The following DDX52 variants were observed in gnomAD, a reference collection of about 807,000 sequenced individuals.
The protein encoded by DDX52 is DExD-box helicase 52.
Under a neutral mutation model 76.1 loss-of-function variants are expected in DDX52, and 59 were observed. That is an observed-to-expected ratio of 0.78 (90% CI 0.63 to 0.96). DDX52 has a LOEUF of 0.96. Ranked by LOEUF, DDX52 falls within the 40% of genes least tolerant of loss-of-function variation. The probability of loss-of-function intolerance (pLI) is 0.00; values close to 1 mark genes in which losing one functional copy is unlikely to be tolerated. For missense variants in DDX52, 707 were observed against 703.9 expected, an observed-to-expected ratio of 1.00 and a Z score of -0.05; for synonymous variants, 231 against 244.1, an observed-to-expected ratio of 0.95 and a Z score of 0.50.
At chr17:37,627,514 C>T (rs1457368226) in intron 6 of DDX52, among the ~76,000 whole-genome samples, 1 of 151,848 alleles carries the variant, frequency 6.6e-6, no homozygotes, top group African/African-American at 2.4e-5. Flanking sequence ...CCCAAAATGC[C>T]GGATTACAGG....
chr17:37,624,369 A>G lies in DDX52; in HGVS notation c.1202T>C (p.Leu401Pro). ...CTTTTTAACAAGTTCTCTCACGGCC[A>G]GAAGTTTTCCGGTCTCAGATCCAAC... ...LFVGSETGKL[L>P]AVRELVKKGF... The change falls in exon 9 of 15, where the codon CTG becomes CCG. Residue 401 changes from leucine to proline, a missense_variant. Coordinates refer to ENST00000617633, the MANE Select transcript of DDX52 (RefSeq NM_007010.5). 3.1e-6 allele frequency: 5 copies of G among 1,609,248 alleles called. No individual in the cohort carries two copies. Among genetic ancestry groups the G allele is most frequent in the Non-Finnish European group, 3.4e-6 (4 of 1,176,908 alleles).
intron 8 of DDX52, 43 bp downstream of exon 8, chr17:37,625,852 A>T (rs773013105): frequency 5.1e-5 from 68 of 1,335,934 alleles, no homozygotes; most frequent in Admixed American, 5.9e-5. Context: ...ACTTGTATTT[A>T]AAAAAAAAAT....
At chr17:37,631,405 T>C (rs1355801980) in intron 4 of DDX52, 3 of 152,276 alleles carry the variant, frequency 2.0e-5, no homozygotes, top group African/African-American at 4.8e-5. Flanking sequence ...TATAAAACTC[T>C]AGAAGAGGCA....
At chr17:37,632,335 C>A (rs1249515801) in intron 3 of DDX52, 37 bp from the exon 4 acceptor site, 1 of 1,601,970 alleles carries the variant, frequency 6.2e-7, no homozygotes, top group Non-Finnish European at 8.5e-7. Context: ...ATGGATATGG[C>A]CAAATAAATA....
At chr17:37,619,676 C>T (rs2029975281) in intron 13 of DDX52, 92 bp downstream of exon 13, 2 of 1,119,078 alleles carry the variant, frequency 1.8e-6, no homozygotes, top group South Asian at 1.5e-5. Flanking sequence ...CATGCCACTG[C>T]ACTGCAGTCT....
At chr17:37,639,452 G>C (rs766394940) in intron 2 of DDX52, 25 of 995,238 alleles carry the variant, frequency 2.5e-5, no homozygotes, top group Non-Finnish European at 3.0e-5. Context: ...ATAGATACAT[G>C]CCTGGCTGGG....
At chr17:37,627,961 T>C (rs988767784) in intron 6 of DDX52, among the ~76,000 whole-genome samples, 2 of 151,990 alleles carry the variant, frequency 1.3e-5, no homozygotes, top group African/African-American at 2.4e-5. Context: ...AAATTTCTTT[T>C]AGAGATGGAG....
At position 37,619,310 on chromosome 17, in the gene DDX52, C is replaced by A. The variant is rs2029953568; in HGVS notation, c.1649+458G>T. Among the ~76,000 whole-genome samples the A allele has an allele frequency of 1.3e-5, 2 of 151,918 alleles. 1 individual carries two copies. The highest frequency in any genetic ancestry group is 4.2e-4 in the South Asian group (2 of 4,806). ...AGGAGAACTGCTTAAACCTGGGAGG[C>A]AGAGGTTGCAATGAGCTGAGACTTC... On this transcript the variant is annotated intron_variant, in intron 13 of 14. Coordinates refer to ENST00000617633, the MANE Select transcript of DDX52 (RefSeq NM_007010.5).
In DDX52 at chr17:37,626,108, A is replaced by G; in HGVS notation, c.933-10T>C. 1 of 1,614,014 alleles carries G rather than the reference A, an allele frequency of 6.2e-7. No individual in the cohort carries two copies. The highest frequency in any genetic ancestry group is 8.5e-7 in the Non-Finnish European group (1 of 1,179,904). ...TACAAGCCACTCAACACTAAGAAAT[A>G]ACAAAACAACTTGTGGATACTGAAC... On this transcript the variant is annotated splice_polypyrimidine_tract_variant and intron_variant, in intron 7 of 14. Coordinates refer to ENST00000617633, the MANE Select transcript of DDX52 (RefSeq NM_007010.5).
At position 37,610,704 on chromosome 17, in the gene DDX52, T is replaced by C. The variant is rs4795208; in HGVS notation, c.*3592A>G. On this transcript the variant is annotated 3_prime_UTR_variant, in exon 15 of 15. Transcript: ENST00000617633. The stretch of plus-strand genomic sequence containing the variant: ...ATGAGAAAATCAAGGTTAGAAACAG[T>C]TACTGTCATTTGTCCAGATCATACA... 27,173 of 152,190 alleles carry C rather than the reference T, an allele frequency of 0.18. 2,877 individuals carry two copies. The highest frequency in any genetic ancestry group is 0.52 in the East Asian group (2,696 of 5,170). 9.4% of individuals were successfully genotyped at this position (152,190 alleles called of 1,614,324 possible). A position where few individuals can be genotyped will look rare whatever the true frequency, so the allele number is the denominator to read the frequency against.
At chr17:37,627,632 A>C (rs2147351514) in intron 6 of DDX52, among the ~76,000 whole-genome samples, 1 of 151,936 alleles carries the variant, frequency 6.6e-6, no homozygotes, top group Non-Finnish European at 1.5e-5. Context: ...ATGGAATTTT[A>C]TGCAGAGGCC....
intron 4 of DDX52, among the ~76,000 whole-genome samples, chr17:37,630,389 G>A (rs748529078): frequency 6.6e-5 from 10 of 152,162 alleles, no homozygotes; most frequent in Non-Finnish European, 1.2e-4. Context: ...CTTTGAATGA[G>A]TGTAAAGAAT....
intron 5 of DDX52, 72 bp downstream of exon 5, chr17:37,629,958 T>C: frequency 6.5e-7 from 1 of 1,542,588 alleles, no homozygotes; most frequent in Non-Finnish European, 8.7e-7. Context: ...AAGATCTTTT[T>C]ATTACCTTCA....
intron 2 of DDX52, among the ~76,000 whole-genome samples, chr17:37,641,211 G>C (rs2031181449): frequency 6.6e-6 from 1 of 151,882 alleles, no homozygotes; most frequent in East Asian, 1.9e-4. Context: ...GACCATCCTG[G>C]CTAACACGAT....
In DDX52 at chr17:37,614,362, A is replaced by G. The variant is rs1233541921; in HGVS notation, c.1743-9T>C. 1.2e-6 allele frequency: 2 copies of G among 1,605,820 alleles called. No individual in the cohort carries two copies. The highest frequency in any genetic ancestry group is 2.2e-5 in the East Asian group (1 of 44,764). On this transcript the variant is annotated splice_polypyrimidine_tract_variant and intron_variant, in intron 14 of 14. Coordinates refer to ENST00000617633, the MANE Select transcript of DDX52 (RefSeq NM_007010.5). ...GACCAGTGACCTTTTTCCTGTAAAG[A>G]GCAAAGTAAGAAAAATTGAATAAAA... is the stretch of plus-strand genomic sequence containing the variant.
In DDX52 at chr17:37,629,914, T is replaced by C. The variant is rs887829513; in HGVS notation, c.747+116A>G. 10 of 1,422,078 alleles carry C rather than the reference T, an allele frequency of 7.0e-6. 1 individual carries two copies. In the South Asian group the frequency reaches 7.1e-5, roughly 10 times the overall value. 88.1% of individuals were successfully genotyped at this position (1,422,078 alleles called of 1,614,324 possible). On this transcript the variant is annotated intron_variant, in intron 5 of 14. Transcript: ENST00000617633. Reference sequence around the variant, plus strand: ...GAGCACTGTGCTGTGTAGAGGATACTTGACCATGACAGAAGACGTGGGCCT... The same window carrying C: ...GAGCACTGTGCTGTGTAGAGGATACCTGACCATGACAGAAGACGTGGGCCT...
At chr17:37,640,473 A>G (rs1188901556) in intron 2 of DDX52, among the ~76,000 whole-genome samples, 7 of 152,142 alleles carry the variant, frequency 4.6e-5, no homozygotes, top group African/African-American at 1.7e-4. Context: ...TGAGTCAGGC[A>G]TAAATACATA....
chr17:37,631,817 G>A (rs571850605), intron 4 of DDX52: 24 of 419,428 alleles, frequency 5.7e-5, no homozygotes, highest in African/African-American at 2.4e-4. Context: ...TGATTGGTGC[G>A]AATACAAAGT....
At chr17:37,640,953 C>T (rs2031165686) in intron 2 of DDX52, among the ~76,000 whole-genome samples, 2 of 152,202 alleles carry the variant, frequency 1.3e-5, no homozygotes, top group Admixed American at 6.5e-5. Flanking sequence ...CATTGCACTC[C>T]AGCCTGGGCA....
Sources: allele counts gnomAD v4.1 joint callset (sites outside exome capture counted in the v4.1 genomes callset), GRCh38; gene constraint gnomAD v4.1.1; transcripts MANE v1.5; gene names NCBI Gene and HGNC (gene_info 2026-07-23, HGNC 2026-07-21).